The following ALG14 variants were observed in gnomAD, a reference collection of about 807,000 sequenced individuals.
ALG14 encodes UDP-N-acetylglucosamine transferase subunit ALG14.
In ALG14, 17 loss-of-function variants were observed where a neutral mutation model predicts 22.8. The observed-to-expected ratio is 0.75, with a 90% confidence interval of 0.51 to 1.12. The LOEUF is 1.12. Ranked by LOEUF, ALG14 falls within the 50% of genes most tolerant of loss-of-function variation. The pLI, the probability that ALG14 is intolerant of heterozygous loss-of-function variation, is 0.00. For synonymous variants in ALG14, 89 were observed against 103.7 expected (o/e 0.86, Z 0.86); for missense variants, 288 against 271.8 (o/e 1.06, Z -0.42).
At chr1:95,035,416 C>T (rs549640545) in intron 2 of ALG14, among the ~76,000 whole-genome samples, 1 of 152,352 alleles carries the variant, frequency 6.6e-6, no homozygotes, top group African/African-American at 2.4e-5. Context: ...TCCTGTAGAA[C>T]AGGGCCATGT....
Position 95,068,343 on chromosome 1 carries a change from C to T in ALG14, c.137-3326G>A, listed in dbSNP as rs1248898487. Reference sequence around the variant, plus strand: ...TGAGATGGAGTCTTGCTCTGTTGCCCAGGCGTGATCTCGGCTCACGGCAAC... The same window carrying T: ...TGAGATGGAGTCTTGCTCTGTTGCCTAGGCGTGATCTCGGCTCACGGCAAC... On this transcript the variant is annotated intron_variant, in intron 1 of 3. Coordinates refer to ENST00000370205, the MANE Select transcript of ALG14 (RefSeq NM_144988.4). 2.0e-5 allele frequency among the ~76,000 whole-genome samples: 3 copies of T among 152,120 alleles called. No homozygotes were observed. The East Asian group carries it at 5.8e-4, about 29-fold the overall frequency.
chr1:94,980,473 G>T lies in ALG14; in HGVS notation c.*2603C>A, dbSNP rs1407967778. On this transcript the variant is annotated 3_prime_UTR_variant, in exon 4 of 4. Coordinates refer to ENST00000370205, the MANE Select transcript of ALG14 (RefSeq NM_144988.4). Reference sequence around the variant, plus strand: ...AGACTGATTCAATTAATTTTTTCATGAACAGTCTCCTACAGTAAAAGTTGC... The same window carrying T: ...AGACTGATTCAATTAATTTTTTCATTAACAGTCTCCTACAGTAAAAGTTGC... The T allele has an allele frequency of 5.9e-5, 9 of 152,148 alleles. No homozygotes were observed. Among genetic ancestry groups the T allele is most frequent in the Non-Finnish European group, 1.3e-4 (9 of 68,010 alleles). The allele number at this position is 152,148 out of a possible 1,614,324, so 9.4% of individuals were successfully genotyped here. A position where few individuals can be genotyped will look rare whatever the true frequency, so the allele number is the denominator to read the frequency against.
intron 2 of ALG14, among the ~76,000 whole-genome samples, chr1:95,055,630 A>G (rs1378519538): frequency 6.6e-6 from 1 of 152,124 alleles, no homozygotes. Context: ...GCAAATAAAG[A>G]TATCAACAAG....
chr1:95,007,234 G>A (rs1365889439), intron 3 of ALG14, among the ~76,000 whole-genome samples: 1 of 152,146 alleles, frequency 6.6e-6, no homozygotes, highest in African/African-American at 2.4e-5. Context: ...TTTTTGTTGT[G>A]AGGTATAAAT....
intron 3 of ALG14, among the ~76,000 whole-genome samples, chr1:95,003,251 C>T (rs912333608): frequency 1.4e-4 from 22 of 152,104 alleles, no homozygotes; most frequent in Admixed American, 6.5e-5. Context: ...CTCAGTGCAA[C>T]AATACCAGAG....
At chr1:95,009,092 G>A (rs1673294026) in intron 3 of ALG14, among the ~76,000 whole-genome samples, 1 of 151,920 alleles carries the variant, frequency 6.6e-6, no homozygotes, top group Non-Finnish European at 1.5e-5. Flanking sequence ...TTTGACTTGT[G>A]AATAATGCTG....
At chr1:95,004,365 G>A (rs936766275) in intron 3 of ALG14, among the ~76,000 whole-genome samples, 3 of 151,884 alleles carry the variant, frequency 2.0e-5, no homozygotes, top group Non-Finnish European at 2.9e-5. Context: ...GGGAGTACAG[G>A]TGCCTGCCAC....
At chr1:95,017,565 C>G (rs1050563418) in intron 3 of ALG14, among the ~76,000 whole-genome samples, 2 of 151,898 alleles carry the variant, frequency 1.3e-5, no homozygotes, top group South Asian at 4.2e-4. Context: ...CAACATGATC[C>G]CAATGGAGGG....
At chr1:94,984,528 A>C (rs1470561948) in intron 3 of ALG14, among the ~76,000 whole-genome samples, 1 of 152,194 alleles carries the variant, frequency 6.6e-6, no homozygotes. Context: ...TCTGTTTTAG[A>C]TGAGACCAAT....
chr1:94,988,725 T>C (rs779182399), intron 3 of ALG14, among the ~76,000 whole-genome samples: 2 of 152,180 alleles, frequency 1.3e-5, no homozygotes, highest in Non-Finnish European at 2.9e-5. Flanking sequence ...ATTCAGAGTA[T>C]TTGGTTCATG....
chr1:95,003,857 T>A (rs1024382604), intron 3 of ALG14, among the ~76,000 whole-genome samples: 3 of 152,160 alleles, frequency 2.0e-5, no homozygotes, highest in Non-Finnish European at 4.4e-5. Context: ...ATGACAAAAT[T>A]AGCTATAATT....
intron 3 of ALG14, among the ~76,000 whole-genome samples, chr1:94,989,006 T>C (rs1023005726): frequency 4.6e-5 from 7 of 152,172 alleles, no homozygotes; most frequent in Non-Finnish European, 7.3e-5. Context: ...ATTAGTAAAG[T>C]TAGTTATATT....
intron 1 of ALG14, 149 bp downstream of exon 1, chr1:95,072,614 A>C: frequency 8.4e-7 from 1 of 1,185,732 alleles, no homozygotes. Flanking sequence ...CCCTGGCTGG[A>C]CTGCCCGGTT....
chr1:95,040,665 TA>T (rs1342286563), intron 2 of ALG14, among the ~76,000 whole-genome samples: 2 of 152,172 alleles, frequency 1.3e-5, no homozygotes, highest in African/African-American at 4.8e-5. Context: ...CAGCACAAAA[TA>T]AATTGTATGT....
At chr1:95,035,464 C>T (rs976018679) in intron 2 of ALG14, among the ~76,000 whole-genome samples, 9 of 152,342 alleles carry the variant, frequency 5.9e-5, no homozygotes, top group African/African-American at 2.2e-4. Context: ...CCTCCCAACG[C>T]TCCCTATATG....
At chr1:95,014,708 A>G (rs1557953444) in intron 3 of ALG14, among the ~76,000 whole-genome samples, 2 of 152,210 alleles carry the variant, frequency 1.3e-5, no homozygotes, top group Non-Finnish European at 2.9e-5. Context: ...ATTTATAAAT[A>G]ATTTTTATTT....
chr1:94,976,167 T>C lies in ALG14; in HGVS notation c.*6909A>G, dbSNP rs1027949466. ...ACTGTACATACATCATCTGAATGTTTAGTGCTCCCTACAACTCTAACGCAG... is the reference window on the plus strand; with the variant it reads ...ACTGTACATACATCATCTGAATGTTCAGTGCTCCCTACAACTCTAACGCAG... On this transcript the variant is annotated 3_prime_UTR_variant, in exon 4 of 4. Coordinates refer to ENST00000370205, the MANE Select transcript of ALG14 (RefSeq NM_144988.4). The C allele has an allele frequency of 6.6e-6, 1 of 152,006 alleles. No individual in the cohort carries two copies. The highest frequency in any genetic ancestry group is 6.6e-5 in the Admixed American group (1 of 15,254). The allele number at this position is 152,006 out of a possible 1,614,324, so 9.4% of individuals were successfully genotyped here.
At chr1:95,001,608 G>A (rs2100736017) in intron 3 of ALG14, among the ~76,000 whole-genome samples, 1 of 152,264 alleles carries the variant, frequency 6.6e-6, no homozygotes, top group South Asian at 2.1e-4. Context: ...CAATTCTCGT[G>A]TCTCAGCCTC....
At chr1:95,063,906 TC>T (rs1231925351) in intron 2 of ALG14, among the ~76,000 whole-genome samples, 1 of 152,228 alleles carries the variant, frequency 6.6e-6, no homozygotes, top group East Asian at 1.9e-4. Context: ...ATTCTTCCTA[TC>T]CATGAGCATG....
Sources: allele counts gnomAD v4.1 joint callset (sites outside exome capture counted in the v4.1 genomes callset), GRCh38; gene constraint gnomAD v4.1.1; transcripts MANE v1.5; gene names NCBI Gene and HGNC (gene_info 2026-07-23, HGNC 2026-07-21).